LRFN5: variants seen among roughly 807,000 people sequenced by gnomAD.
LRFN5 encodes leucine-rich repeat and fibronectin type-III domain-containing protein 5.
A neutral mutation model predicts 45.6 loss-of-function variants in LRFN5; 24 were observed. That is an observed-to-expected ratio of 0.53 (90% CI 0.38 to 0.74). LRFN5 has a LOEUF of 0.74. Among genes scored for constraint, LRFN5 ranks in the 30% least tolerant of loss-of-function variants. The pLI is 0.00. For missense variants in LRFN5, 776 were observed against 861.5 expected, an observed-to-expected ratio of 0.90 and a Z score of 1.24; for synonymous variants, 340 against 313.8, an observed-to-expected ratio of 1.08 and a Z score of -0.88.
intron 2 of LRFN5, among the ~76,000 whole-genome samples, chr14:41,861,897 C>T (rs1258597481): frequency 2.6e-5 from 4 of 152,110 alleles, no homozygotes; most frequent in African/African-American, 9.7e-5. Flanking sequence ...CTCTGTGTCC[C>T]CACCCAAATC....
chr14:41,704,333 CT>C (rs1882959241), intron 1 of LRFN5, among the ~76,000 whole-genome samples: 2 of 151,594 alleles, frequency 1.3e-5, no homozygotes, highest in Non-Finnish European at 1.5e-5. Context: ...ATTACTTTAC[CT>C]CTGGCCTTGT....
At chr14:41,838,956 T>G (rs1326980595) in intron 2 of LRFN5, among the ~76,000 whole-genome samples, 4 of 152,114 alleles carry the variant, frequency 2.6e-5, no homozygotes, top group Non-Finnish European at 5.9e-5. Flanking sequence ...TTTTTCTCCC[T>G]TATGGAGACA....
intron 1 of LRFN5, among the ~76,000 whole-genome samples, chr14:41,739,385 AATCATCATCATC>A (rs60722886): frequency 8.7e-4 from 129 of 148,422 alleles, no homozygotes; most frequent in African/African-American, 3.0e-3. Context: ...ACATTGTGTC[AATCATCATCATC>A]ATCATCATCA....
chr14:41,861,817 T>G (rs936726601), intron 2 of LRFN5, among the ~76,000 whole-genome samples: 6 of 152,182 alleles, frequency 3.9e-5, no homozygotes, highest in African/African-American at 1.4e-4. Context: ...AACACCACCT[T>G]GGTCAAGAAA....
At chr14:41,739,687 A>C (rs1368470196) in intron 1 of LRFN5, among the ~76,000 whole-genome samples, 1 of 151,948 alleles carries the variant, frequency 6.6e-6, no homozygotes, top group African/African-American at 2.4e-5. Context: ...GCACAAACGT[A>C]GTGGAAGGAA....
At chr14:41,704,442 C>G (rs79867837) in intron 1 of LRFN5, among the ~76,000 whole-genome samples, 89,499 of 126,930 alleles carry the variant, frequency 0.71, 31,539 homozygotes, top group East Asian at 0.96. Flanking sequence ...CTCTCTCTCT[C>G]TCTCTCTGTG....
At chr14:41,890,646 T>C (rs547720996) in intron 3 of LRFN5, among the ~76,000 whole-genome samples, 2 of 150,544 alleles carry the variant, frequency 1.3e-5, no homozygotes, top group African/African-American at 4.9e-5. Context: ...GGCGGAGCTT[T>C]CATTGAGCCG....
Position 41,821,333 on chromosome 14 carries a change from T to A in LRFN5, c.-21+54304T>A, listed in dbSNP as rs142842255. Reference sequence around the variant, plus strand: ...TTTAAATTTTATTTAATTTTATTATTTTTTTAATCAGGAAGGAGTGCTAAA... The same window carrying A: ...TTTAAATTTTATTTAATTTTATTATATTTTTAATCAGGAAGGAGTGCTAAA... On this transcript the variant is annotated intron_variant, in intron 2 of 5. Coordinates refer to ENST00000298119, the MANE Select transcript of LRFN5 (RefSeq NM_152447.5). Among the ~76,000 whole-genome samples, 1,466 of 152,030 alleles carry A rather than the reference T, an allele frequency of 9.6e-3. 22 individuals carry two copies. Among genetic ancestry groups the A allele is most frequent in the African/African-American group, 0.034 (1,405 of 41,522 alleles).
intron 1 of LRFN5, among the ~76,000 whole-genome samples, chr14:41,676,300 T>G (rs1881626159): frequency 6.6e-6 from 1 of 152,206 alleles, no homozygotes; most frequent in Non-Finnish European, 1.5e-5. Flanking sequence ...GTGCCCACTC[T>G]GCGGATCAAG....
At chr14:41,702,868 AAG>A (rs763700668) in intron 1 of LRFN5, among the ~76,000 whole-genome samples, 10 of 152,086 alleles carry the variant, frequency 6.6e-5, no homozygotes, top group Non-Finnish European at 1.3e-4. Context: ...TCTCTCAGTT[AAG>A]AGAGAGAAAG....
intron 1 of LRFN5, among the ~76,000 whole-genome samples, chr14:41,617,952 A>G (rs1403722537): frequency 6.6e-6 from 1 of 151,878 alleles, no homozygotes; most frequent in East Asian, 1.9e-4. Context: ...CCTTCTACTC[A>G]CCTCTTCTTT....
chr14:41,853,341 G>C (rs1889339070), intron 2 of LRFN5, among the ~76,000 whole-genome samples: 1 of 151,966 alleles, frequency 6.6e-6, no homozygotes. Context: ...ATACCAGGTA[G>C]TGGGAAATTA....
At chr14:41,771,100 G>T (rs981257531) in intron 2 of LRFN5, among the ~76,000 whole-genome samples, 3 of 151,704 alleles carry the variant, frequency 2.0e-5, no homozygotes, top group Non-Finnish European at 4.4e-5. Context: ...TTACATAGCT[G>T]GAGCAGCAAG....
At chr14:41,835,570 A>G (rs1265950372) in intron 2 of LRFN5, among the ~76,000 whole-genome samples, 1 of 152,174 alleles carries the variant, frequency 6.6e-6, no homozygotes, top group Non-Finnish European at 1.5e-5. Context: ...TACAAAAAGT[A>G]CAAAACTTAG....
At chr14:41,778,711 A>G (rs937004733) in intron 2 of LRFN5, among the ~76,000 whole-genome samples, 2 of 151,810 alleles carry the variant, frequency 1.3e-5, no homozygotes, top group African/African-American at 4.8e-5. Flanking sequence ...TCTGTGTGCA[A>G]TATTGTCCTT....
intron 1 of LRFN5, among the ~76,000 whole-genome samples, chr14:41,763,669 G>C (rs907989241): frequency 2.0e-5 from 3 of 152,092 alleles, no homozygotes; most frequent in African/African-American, 7.2e-5. Context: ...ATTTTATAAA[G>C]GGGAGTTCCC....
At chr14:41,761,556 A>G (rs1885670725) in intron 1 of LRFN5, among the ~76,000 whole-genome samples, 3 of 152,126 alleles carry the variant, frequency 2.0e-5, no homozygotes, top group South Asian at 2.1e-4. Context: ...GTTTTTCCCT[A>G]TGGTCCAAAG....
intron 1 of LRFN5, among the ~76,000 whole-genome samples, chr14:41,689,499 G>A (rs983524915): frequency 6.6e-6 from 1 of 152,068 alleles, no homozygotes; most frequent in African/African-American, 2.4e-5. Context: ...TGACTTAGAT[G>A]AAATAAATAA....
intron 1 of LRFN5, among the ~76,000 whole-genome samples, chr14:41,716,846 A>G (rs1883514564): frequency 6.6e-6 from 1 of 152,130 alleles, no homozygotes; most frequent in Non-Finnish European, 1.5e-5. Context: ...AAATTTCACC[A>G]TGCATTTTGA....
Sources: allele counts gnomAD v4.1 joint callset (sites outside exome capture counted in the v4.1 genomes callset), GRCh38; gene constraint gnomAD v4.1.1; transcripts MANE v1.5; gene names NCBI Gene and HGNC (gene_info 2026-07-23, HGNC 2026-07-21).